The following CCDC18 variants were observed in gnomAD, a reference collection of about 807,000 sequenced individuals.
CCDC18 encodes the protein coiled-coil domain-containing protein 18.
Under a neutral mutation model 196.0 loss-of-function variants are expected in CCDC18, and 157 were observed. That is an observed-to-expected ratio of 0.80 (90% CI 0.70 to 0.91). CCDC18 has a LOEUF of 0.91. CCDC18 is among the 40% of genes least tolerant of loss of function. The probability of loss-of-function intolerance (pLI) is 0.00; values close to 1 mark genes in which losing one functional copy is unlikely to be tolerated. For synonymous variants in CCDC18, 482 were observed against 529.2 expected, an observed-to-expected ratio of 0.91 and a Z score of 1.22; for missense variants, 1,465 against 1,611.6, an observed-to-expected ratio of 0.91 and a Z score of 1.56.
intron 6 of CCDC18, among the ~76,000 whole-genome samples, chr1:93,194,550 T>C (rs1231370733): frequency 6.6e-6 from 1 of 152,192 alleles, no homozygotes; most frequent in South Asian, 2.1e-4. Context: ...TTTTGAAATC[T>C]CAGGTTTTTT....
intron 17 of CCDC18, among the ~76,000 whole-genome samples, chr1:93,227,930 C>T (rs1658636249): frequency 6.9e-6 from 1 of 145,020 alleles, no homozygotes; most frequent in Non-Finnish European, 1.5e-5. Context: ...TGCACTCCAG[C>T]CTGGGCAGCA....
intron 21 of CCDC18, among the ~76,000 whole-genome samples, chr1:93,244,195 C>A (rs1661197483): frequency 6.6e-6 from 1 of 152,116 alleles, no homozygotes. Flanking sequence ...GTGCAGGGAA[C>A]CTCCCATTTT....
chr1:93,259,992 C>A (rs890967906), intron 26 of CCDC18, among the ~76,000 whole-genome samples: 1 of 152,156 alleles, frequency 6.6e-6, no homozygotes, highest in Non-Finnish European at 1.5e-5. Flanking sequence ...GTATTGCTAT[C>A]TTTTTAAAAA....
upstream of CCDC18, chr1:93,180,049 C>G: frequency 6.2e-7 from 1 of 1,611,822 alleles, no homozygotes; most frequent in Non-Finnish European, 8.5e-7. Flanking sequence ...ATCCTCCGCA[C>G]TTACTTGGTA....
At chr1:93,274,620 G>T (rs1665529268) in intron 28 of CCDC18, among the ~76,000 whole-genome samples, 1 of 151,914 alleles carries the variant, frequency 6.6e-6, no homozygotes, top group South Asian at 2.1e-4. Flanking sequence ...CAAGCAGGAG[G>T]ATTACTTGAG....
At chr1:93,247,656 T>C (rs933556546) in intron 23 of CCDC18, among the ~76,000 whole-genome samples, 8 of 152,074 alleles carry the variant, frequency 5.3e-5, no homozygotes, top group Admixed American at 4.6e-4. Flanking sequence ...GCTCAAGCGA[T>C]CTTCCCCCCT....
Position 93,256,611 on chromosome 1 carries a change from T to C in CCDC18, c.3546+73T>C. 3 of 1,222,134 alleles carry C rather than the reference T, an allele frequency of 2.5e-6. No individual in the cohort carries two copies. The South Asian group carries it at 4.0e-5, about 16-fold the overall frequency. The allele number at this position is 1,222,134 out of a possible 1,614,324, so 75.7% of individuals were successfully genotyped here. A position where few individuals can be genotyped will look rare whatever the true frequency, so the allele number is the denominator to read the frequency against. On this transcript the variant is annotated intron_variant, in intron 25 of 28. Coordinates refer to ENST00000690025, the MANE Select transcript of CCDC18 (RefSeq NM_001378204.1). ...TTAGCATTTTTTTTGAACTGTAGAA[T>C]ATAGTTCTTTCAAAAATGAACTGTA...
intron 4 of CCDC18, among the ~76,000 whole-genome samples, chr1:93,189,347 A>G (rs1421102468): frequency 6.6e-6 from 1 of 152,212 alleles, no homozygotes; most frequent in Admixed American, 6.5e-5. Context: ...TTGTGTAAGT[A>G]CTACATTTTC....
At chr1:93,239,940 G>A in intron 21 of CCDC18, 44 bp downstream of exon 21, 1 of 1,251,110 alleles carries the variant, frequency 8.0e-7, no homozygotes, top group Non-Finnish European at 1.1e-6. Flanking sequence ...ATAAGTCCTT[G>A]GATAATACAA....
At chr1:93,247,852 C>G (rs373409080) in intron 23 of CCDC18, among the ~76,000 whole-genome samples, 3 of 152,148 alleles carry the variant, frequency 2.0e-5, no homozygotes, top group African/African-American at 4.8e-5. Context: ...TCTAGTTGCT[C>G]TAGTCAGGAC....
chr1:93,261,112 A>C (rs587754), intron 26 of CCDC18, among the ~76,000 whole-genome samples: 26,243 of 152,142 alleles, frequency 0.17, 2,494 homozygotes, highest in African/African-American at 0.22. Flanking sequence ...AGAATGATTT[A>C]TAATCCTTTG....
In CCDC18 at chr1:93,212,261, G is replaced by C; in HGVS notation, c.1495G>C (p.Ala499Pro). 6 of 1,548,924 alleles carry C rather than the reference G, an allele frequency of 3.9e-6. No individual in the cohort carries two copies. Among genetic ancestry groups the C allele is most frequent in the Non-Finnish European group, 5.2e-6 (6 of 1,147,884 alleles). ...TGTAAAGCTAGGTGGTCATCAAGTA[G>C]GTAAGTATATTGAGTTATTTTAATA... is the stretch of plus-strand genomic sequence containing the variant. ...EPVKLGGHQV[A>P]ESVKDQNQHT... Residue 499 changes from alanine (A) to proline (P), a missense_variant and splice_region_variant, in exon 11 of 29, where the codon GCA becomes CCA. Ala to Pro is a conservative substitution (Grantham distance 27, BLOSUM62 -1). Coordinates refer to ENST00000690025, the MANE Select transcript of CCDC18 (RefSeq NM_001378204.1).
At chr1:93,245,247 G>A (rs558734913) in intron 21 of CCDC18, among the ~76,000 whole-genome samples, 72 of 152,240 alleles carry the variant, frequency 4.7e-4, no homozygotes, top group African/African-American at 1.6e-3. Flanking sequence ...TGGAAGCTCC[G>A]CTATTTGCAT....
chr1:93,272,546 T>A (rs1176034812), intron 28 of CCDC18, among the ~76,000 whole-genome samples: 1 of 152,188 alleles, frequency 6.6e-6, no homozygotes, highest in African/African-American at 2.4e-5. Context: ...GAGGGTGAGA[T>A]CAATTGTGTC....
chr1:93,196,433 A>G (rs1212120393), intron 6 of CCDC18, among the ~76,000 whole-genome samples: 1 of 152,248 alleles, frequency 6.6e-6, no homozygotes, highest in Admixed American at 6.5e-5. Context: ...TGCAACAAGC[A>G]TTACCAACAT....
intron 2 of CCDC18, 35 bp downstream of exon 2, chr1:93,183,530 G>A: frequency 3.4e-6 from 5 of 1,451,668 alleles, no homozygotes; most frequent in Non-Finnish European, 4.6e-6. Context: ...AATTCACTGT[G>A]CCTTAAATAC....
At chr1:93,228,651 A>T (rs1188731641) in intron 17 of CCDC18, among the ~76,000 whole-genome samples, 1 of 149,786 alleles carries the variant, frequency 6.7e-6, no homozygotes, top group Non-Finnish European at 1.5e-5. Context: ...AACTGTATGT[A>T]CTTGGATTTT....
At chr1:93,181,771 C>A (rs1385416078) in intron 1 of CCDC18, among the ~76,000 whole-genome samples, 5 of 152,048 alleles carry the variant, frequency 3.3e-5, no homozygotes, top group Non-Finnish European at 7.4e-5. Flanking sequence ...CTCGCCACCA[C>A]CCCCGGCTAA....
Position 93,232,596 on chromosome 1 carries a change from A to G in CCDC18, c.2460+3A>G. 6.4e-7 allele frequency: 1 copy of G among 1,558,460 alleles called. No homozygotes were observed. Among genetic ancestry groups the G allele is most frequent in the Non-Finnish European group, 8.8e-7 (1 of 1,142,776 alleles). ...CTCAAACTAAACTTGAAAAACAGGT[A>G]TATATTATTAGCCCAAGATTGTTTT... On this transcript the variant is annotated splice_donor_region_variant and intron_variant, in intron 18 of 28. Coordinates refer to ENST00000690025, the MANE Select transcript of CCDC18 (RefSeq NM_001378204.1).
Sources: gnomAD v4.1 joint callset for allele counts (sites outside exome capture counted in the v4.1 genomes callset) on GRCh38, gnomAD v4.1.1 for gene constraint, MANE v1.5 for transcripts, NCBI Gene and HGNC (gene_info 2026-07-23, HGNC 2026-07-21) for gene names.